The following DOK4 variants were observed in gnomAD, a reference collection of about 807,000 sequenced individuals.
DOK4 encodes docking protein 4.
A neutral mutation model predicts 40.1 loss-of-function variants in DOK4; 26 were observed. That is an observed-to-expected ratio of 0.65 (90% CI 0.48 to 0.90). The LOEUF (loss-of-function observed/expected upper bound fraction) is 0.90. DOK4 is among the 40% of genes least tolerant of loss of function. The pLI, the probability that DOK4 is intolerant of heterozygous loss-of-function variation, is 0.00. For missense variants in DOK4, 392 were observed against 437.2 expected (o/e 0.90, Z 0.92); for synonymous variants, 179 against 177.0 (o/e 1.01, Z -0.09).
At chr16:57,482,226 A>G (rs2031434539) in intron 1 of DOK4, among the ~76,000 whole-genome samples, 1 of 152,118 alleles carries the variant, frequency 6.6e-6, no homozygotes, top group Non-Finnish European at 1.5e-5. Context: ...CAGGGGTGCC[A>G]TCACGGCTTA....
rs2031326488 is a variant in DOK4, at chr16:57,479,372, C to T, written c.66+70G>A. 1.3e-6 allele frequency: 2 copies of T among 1,576,210 alleles called. No individual in the cohort carries two copies. Among genetic ancestry groups the T allele is most frequent in the Middle Eastern group, 1.7e-4 (1 of 5,978 alleles). On this transcript the variant is annotated intron_variant, in intron 2 of 8. Coordinates refer to ENST00000340099, the Ensembl canonical transcript of DOK4. The surrounding 1 kb of genome is among the most constrained non-coding windows in gnomAD (Gnocchi z 5.8). ...GCCGCGTGCCCCACGCGCCATGCCT[C>T]CAAGCCTGGGACCGAGTCCTCGGGC... is the stretch of plus-strand genomic sequence containing the variant.
In DOK4 at chr16:57,473,477, G is replaced by C. The variant is rs1459601389; in HGVS notation, c.881C>G (p.Ala294Gly). 1 of 1,614,202 alleles carries C rather than the reference G, an allele frequency of 6.2e-7. No homozygotes were observed. Among genetic ancestry groups the C allele is most frequent in the South Asian group, 1.1e-5 (1 of 91,090 alleles). ...GAGGTCTGTTTCCGAGCTGGCCTGGGCTGCCCCATACCCCTCACCTGTGGG... is the reference window on the plus strand; with the variant it reads ...GAGGTCTGTTTCCGAGCTGGCCTGGCCTGCCCCATACCCCTCACCTGTGGG... The change falls in exon 9 of 9, where the codon GCC becomes GGC. Residue 294 changes from alanine to glycine, a missense_variant. By Grantham distance (60) the Ala-to-Gly change is moderately conservative. Transcript: ENST00000340099.
chr16:57,478,454 G>A (rs496772), intron 2 of DOK4: 117,127 of 151,516 alleles, frequency 0.77, 46,146 homozygotes, highest in African/African-American at 0.92. Flanking sequence ...GAAGGGAGAA[G>A]GGGACAGGAG....
chr16:57,480,882 A>G lies in DOK4; in HGVS notation c.-181-1194T>C, dbSNP rs572197843. Among the ~76,000 whole-genome samples, 9 of 152,360 alleles carry G rather than the reference A, an allele frequency of 5.9e-5. No homozygotes were observed. In the South Asian group the frequency reaches 1.9e-3, roughly 32 times the overall value. ...TAAGGTCACACAGCAGGCCTGGGGCAGAGCCAGGGATGAAGGAGAAGGTCC... is the reference window on the plus strand; with the variant it reads ...TAAGGTCACACAGCAGGCCTGGGGCGGAGCCAGGGATGAAGGAGAAGGTCC... On this transcript the variant is annotated intron_variant, in intron 1 of 8. Transcript: ENST00000340099.
chr16:57,475,754 T>TTCCCCCCTCTCTCCCTC, intron 3 of DOK4, 96 bp downstream of exon 3: 1 of 680,658 alleles, frequency 1.5e-6, no homozygotes, highest in East Asian at 5.6e-5. Flanking sequence ...CTCTCCCCCT[T>TTCCCCCCTCTCTCCCTC]TCTCCCCTCT....
intron 1 of DOK4, among the ~76,000 whole-genome samples, chr16:57,482,924 T>G (rs1344342419): frequency 6.6e-6 from 1 of 152,226 alleles, no homozygotes; most frequent in Non-Finnish European, 1.5e-5. Flanking sequence ...CACCAGGGAC[T>G]GTGGCCCCAA....
chr16:57,474,049 C>T lies in DOK4; in HGVS notation c.600-10G>A, dbSNP rs769501681. 6.2e-6 allele frequency: 10 copies of T among 1,613,778 alleles called. No homozygotes were observed. In the East Asian group the frequency reaches 2.0e-4, roughly 32 times the overall value. ...CCCAGCATCACACATCCTGGGGACA[C>T]AGCACAGAGGGCAAGATGGTGGGGA... On this transcript the variant is annotated splice_polypyrimidine_tract_variant and intron_variant, in intron 6 of 8. Coordinates refer to ENST00000340099, the Ensembl canonical transcript of DOK4.
chr16:57,472,085 C>T (rs1429017066), exon 9 of DOK4: 1 of 152,760 alleles, frequency 6.5e-6, no homozygotes, highest in Non-Finnish European at 1.5e-5. Context: ...GACCCCAGTT[C>T]CCCTCTACAG....
At chr16:57,484,336 C>G (rs1200851354) in intron 1 of DOK4, 1 of 152,340 alleles carries the variant, frequency 6.6e-6, no homozygotes. Flanking sequence ...CTGTGGGATT[C>G]TCTCCAGCAC....
chr16:57,473,287 C>CGACA, exon 9 of DOK4: 6 of 1,490,350 alleles, frequency 4.0e-6, no homozygotes, highest in Non-Finnish European at 5.3e-6. Context: ...GGCTCTTGGC[C>CGACA]GACAGCCCCC....
At position 57,485,887 on chromosome 16, in the gene DOK4, T is replaced by A. The variant is rs1376232249; in HGVS notation, c.-182+418A>T. Among the ~76,000 whole-genome samples, 1 of 151,736 alleles carries A rather than the reference T, an allele frequency of 6.6e-6. No individual in the cohort carries two copies. Among genetic ancestry groups the A allele is most frequent in the Non-Finnish European group, 1.5e-5 (1 of 67,910 alleles). ...AGCTGGGGTACAGAAAATCATCTCT[T>A]GGAATTTGGAGGAGGTGAGCGAACA... On this transcript the variant is annotated intron_variant, in intron 1 of 8. Transcript: ENST00000340099. The surrounding 1 kb of genome is among the most constrained non-coding windows in gnomAD (Gnocchi z 4.3).
At chr16:57,486,787 T>G (rs1187447702), upstream of DOK4, among the ~76,000 whole-genome samples, 1 of 150,014 alleles carries the variant, frequency 6.7e-6, no homozygotes, top group Non-Finnish European at 1.5e-5. Context: ...TACACACCCA[T>G]ACGCCACATC....
At chr16:57,473,957 G>A (rs1264134348) in exon 7 of DOK4, 1 of 1,613,308 alleles carries the variant, frequency 6.2e-7, no homozygotes, top group Non-Finnish European at 8.5e-7. Flanking sequence ...GCGATGGCCA[G>A]GGTGGCACTG....
exon 9 of DOK4, chr16:57,473,268 C>A: frequency 6.9e-7 from 1 of 1,455,922 alleles, no homozygotes; most frequent in South Asian, 1.4e-5. Context: ...AGCTTGCTCC[C>A]TTTCTCCAGG....
At chr16:57,475,660 ATCTCTCTC>A (rs745508207) in intron 3 of DOK4, 40 bp from the exon 4 acceptor site, 42,942 of 475,092 alleles carry the variant, frequency 0.09, 1,167 homozygotes, top group African/African-American at 0.27. Context: ...AGGCCAGTGC[ATCTCTCTC>A]TCTCTCTCTC....
rs761681608 is a variant in DOK4 at position 57,479,531 on chromosome 16, CG to C, written c.-25del. ...ATGGTTTTCCCACCTTTTAGGGGCG[CG>C]GGGCCTGGCAGAGGCGAGGGGAAGG... On this transcript the variant is annotated 5_prime_UTR_variant, in exon 2 of 9. Transcript: ENST00000340099. The surrounding 1 kb of genome is among the most constrained non-coding windows in gnomAD (Gnocchi z 5.8). 6 of 1,612,438 alleles carry C rather than the reference CG, an allele frequency of 3.7e-6. No individual in the cohort carries two copies. The African/African-American group carries it at 8.0e-5, about 21-fold the overall frequency.
rs2031522946 is a variant in DOK4, at chr16:57,485,755, G to A, written c.-182+550C>T. On this transcript the variant is annotated intron_variant, in intron 1 of 8. Coordinates refer to ENST00000340099, the Ensembl canonical transcript of DOK4. This position sits in a 1 kb window ranked among gnomAD's most constrained non-coding sequence, Gnocchi z 4.3. ...GGGCCCTGGGGGAGAAGGTGGACAG[G>A]ACCTTGGGGGCCAATGGAGAAAGGT... Among the ~76,000 whole-genome samples the A allele has an allele frequency of 1.3e-5, 2 of 152,214 alleles. No homozygotes were observed. Among genetic ancestry groups the A allele is most frequent in the Admixed American group, 6.5e-5 (1 of 15,284 alleles).
At chr16:57,475,693 T>TCC (rs1555516318) in intron 3 of DOK4, 73 bp from the exon 4 acceptor site, 934 of 482,636 alleles carry the variant, frequency 1.9e-3, no homozygotes, top group Middle Eastern at 2.7e-3. Context: ...TCTCTCTCTC[T>TCC]CTCCCTCCCT....
At position 57,479,740 on chromosome 16, in the gene DOK4, T is replaced by C. The variant is rs747413131; in HGVS notation, c.-181-52A>G. 5.5e-5 allele frequency: 25 copies of C among 453,460 alleles called. No homozygotes were observed. The Admixed American group carries it at 7.4e-4, about 13-fold the overall frequency. The allele number at this position is 453,460 out of a possible 1,614,324, so 28.1% of individuals were successfully genotyped here. A position where few individuals can be genotyped will look rare whatever the true frequency, so the allele number is the denominator to read the frequency against. ...AGAGACAGTGACATCTTTCTCTTCC[T>C]CTCGCTGTCTCGCTCTCTTTTTTCC... is the stretch of plus-strand genomic sequence containing the variant. On this transcript the variant is annotated intron_variant, in intron 1 of 8. Transcript: ENST00000340099. The surrounding 1 kb of genome is among the most constrained non-coding windows in gnomAD (Gnocchi z 5.8).
Sources: allele counts gnomAD v4.1 joint callset (sites outside exome capture counted in the v4.1 genomes callset), GRCh38; gene constraint gnomAD v4.1.1; non-coding constraint Gnocchi (gnomAD v3.1); transcripts MANE v1.5; gene names NCBI Gene and HGNC (gene_info 2026-07-23, HGNC 2026-07-21).